The following BEGAIN variants were observed in gnomAD, a reference collection of about 807,000 sequenced individuals.
BEGAIN encodes brain enriched guanylate kinase associated, also known as brain-enriched guanylate kinase-associated protein.
In BEGAIN, 19 loss-of-function variants were observed where a neutral mutation model predicts 35.8. The ratio of observed to expected loss-of-function variants is 0.53; its 90% CI spans 0.37 to 0.78. The LOEUF is 0.78. Among genes scored for constraint, BEGAIN ranks in the 30% least tolerant of loss-of-function variants. BEGAIN has a pLI of 0.00. For missense variants in BEGAIN, 795 were observed against 853.6 expected (o/e 0.93, Z 0.85); for synonymous variants, 462 against 388.6 (o/e 1.19, Z -2.22).
rs755892612 is a variant in BEGAIN, at chr14:100,538,468, G to A, written c.1340C>T (p.Ala447Val). The A allele has an allele frequency of 1.3e-6, 2 of 1,579,430 alleles. No homozygotes were observed. Among genetic ancestry groups the A allele is most frequent in the Non-Finnish European group, 8.6e-7 (1 of 1,165,780 alleles). ...WRPLSVEDIGAYSYPVSAAGR... is the reference protein window; with the variant it reads ...WRPLSVEDIGVYSYPVSAAGR... ...GGCAGCGCTCACGGGGTAGGAGTAG[G>A]CGCCGATGTCCTCCACGCTCAGGGG... Residue 447 changes from alanine (A) to valine (V), a missense_variant, in exon 7 of 7, where the codon GCC (alanine) becomes GTC (valine). Physicochemically the swap from Ala to Val is moderately conservative, Grantham distance 64 (BLOSUM62 0). Transcript: ENST00000554140.
At position 100,537,835 on chromosome 14, in the gene BEGAIN, G is replaced by A; in HGVS notation, c.*134C>T. The A allele has an allele frequency of 7.5e-7, 1 of 1,324,812 alleles. No individual in the cohort carries two copies. The highest frequency in any genetic ancestry group is 1.0e-6 in the Non-Finnish European group (1 of 1,003,016). The allele number at this position is 1,324,812 out of a possible 1,614,324, so 82.1% of individuals were successfully genotyped here. A position where few individuals can be genotyped will look rare whatever the true frequency, so the allele number is the denominator to read the frequency against. On this transcript the variant is annotated 3_prime_UTR_variant, in exon 7 of 7. Transcript: ENST00000554140. ...CCTACAGGGCTGGGGAGGAGAGGAG[G>A]TGCGGGGAGGAACAGACTCCTCGTT... is the stretch of plus-strand genomic sequence containing the variant.
At position 100,568,063 on chromosome 14, in the gene BEGAIN, G is replaced by T; in HGVS notation, c.43-124C>A. Reference sequence around the variant, plus strand: ...GCGGGGCCCCGTCCGTGGGAAGCCCGGCGCCGCGCGTCCCCAGCTTCCAGT... The same window carrying T: ...GCGGGGCCCCGTCCGTGGGAAGCCCTGCGCCGCGCGTCCCCAGCTTCCAGT... On this transcript the variant is annotated intron_variant, in intron 1 of 6. Transcript: ENST00000554140. This position sits in a 1 kb window ranked among gnomAD's most constrained non-coding sequence, Gnocchi z 7.5. 9.1e-7 allele frequency: 1 copy of T among 1,097,952 alleles called. No homozygotes were observed. 68.0% of individuals were successfully genotyped at this position (1,097,952 alleles called of 1,614,324 possible). A position where few individuals can be genotyped will look rare whatever the true frequency, so the allele number is the denominator to read the frequency against.
intron 5 of BEGAIN, among the ~76,000 whole-genome samples, chr14:100,542,319 G>T (rs1009435754): frequency 2.6e-5 from 4 of 152,216 alleles, no homozygotes; most frequent in South Asian, 2.1e-4. Context: ...TCAAGTGGTT[G>T]TTGGGCCACC....
Position 100,538,036 on chromosome 14 carries a change from C to T in BEGAIN, c.1772G>A (p.Gly591Asp). 1 of 1,608,482 alleles carries T rather than the reference C, an allele frequency of 6.2e-7. No individual in the cohort carries two copies. Among genetic ancestry groups the T allele is most frequent in the Non-Finnish European group, 8.5e-7 (1 of 1,178,438 alleles). Residue 591 changes from glycine to aspartate, a missense_variant, in exon 7 of 7, where the codon GGT (glycine) becomes GAT (aspartate). Transcript: ENST00000554140. ...LSPQQAFPRTGGSGLSRKDSL... is the reference protein window; with the variant it reads ...LSPQQAFPRTDGSGLSRKDSL... ...GTCCTTGCGGCTCAGCCCCGAGCCACCAGTCCGCGGAAAGGCCTGCTGGGG... is the reference window on the plus strand; with the variant it reads ...GTCCTTGCGGCTCAGCCCCGAGCCATCAGTCCGCGGAAAGGCCTGCTGGGG...
chr14:100,565,196 G>T (rs982481269), intron 2 of BEGAIN, among the ~76,000 whole-genome samples: 21 of 152,236 alleles, frequency 1.4e-4, no homozygotes, highest in Non-Finnish European at 7.3e-5. Flanking sequence ...GGAGGGAGGG[G>T]CAAGAGCGTC....
chr14:100,565,774 A>G (rs1162449559), intron 2 of BEGAIN, among the ~76,000 whole-genome samples: 1 of 152,184 alleles, frequency 6.6e-6, no homozygotes, highest in Non-Finnish European at 1.5e-5. Flanking sequence ...CTTCCACCAC[A>G]GGGGCTCACG....
At chr14:100,575,925 C>T (rs1002025939) in intron 1 of BEGAIN, among the ~76,000 whole-genome samples, 1 of 152,164 alleles carries the variant, frequency 6.6e-6, no homozygotes, top group Non-Finnish European at 1.5e-5. Context: ...CAGGGCCCAG[C>T]AGCCCCCAGA....
intron 1 of BEGAIN, among the ~76,000 whole-genome samples, chr14:100,578,423 A>G (rs2035249141): frequency 1.3e-5 from 2 of 152,252 alleles, no homozygotes; most frequent in Non-Finnish European, 1.5e-5. Context: ...AACTGCAGCA[A>G]ACCAGCAAAT....
At chr14:100,583,714 G>T (rs2139769710) in intron 1 of BEGAIN, among the ~76,000 whole-genome samples, 2 of 28,458 alleles carry the variant, frequency 7.0e-5, no homozygotes, top group Admixed American at 2.6e-4. Context: ...TTTTTTGATG[G>T]AGTCTCACTC....
chr14:100,568,785 G>A lies in BEGAIN; in HGVS notation c.43-846C>T. ...TCCTGCGTGGAGCTGGGGGCGCCGG[G>A]CGGGCTCTCTATCACCCGGGAGAGG... On this transcript the variant is annotated intron_variant, in intron 1 of 6. Transcript: ENST00000554140. The surrounding 1 kb of genome is among the most constrained non-coding windows in gnomAD (Gnocchi z 7.5). 4 of 858,188 alleles carry A rather than the reference G, an allele frequency of 4.7e-6. No homozygotes were observed. Among genetic ancestry groups the A allele is most frequent in the Non-Finnish European group, 5.6e-6 (4 of 713,034 alleles). 53.2% of individuals were successfully genotyped at this position (858,188 alleles called of 1,614,324 possible). A position where few individuals can be genotyped will look rare whatever the true frequency, so the allele number is the denominator to read the frequency against.
chr14:100,560,630 C>G (rs192075988), intron 2 of BEGAIN, among the ~76,000 whole-genome samples: 1 of 152,186 alleles, frequency 6.6e-6, no homozygotes, highest in Non-Finnish European at 1.5e-5. Context: ...GCTGCTTCCC[C>G]GGTCCGGCCA....
chr14:100,555,538 G>A (rs573287409), intron 2 of BEGAIN, among the ~76,000 whole-genome samples: 1 of 152,366 alleles, frequency 6.6e-6, no homozygotes, highest in East Asian at 1.9e-4. Flanking sequence ...CGAAAGGGAG[G>A]TGTGTACCCC....
At chr14:100,582,247 C>T (rs1035297362) in intron 1 of BEGAIN, among the ~76,000 whole-genome samples, 3 of 152,308 alleles carry the variant, frequency 2.0e-5, no homozygotes, top group East Asian at 3.9e-4. Flanking sequence ...CCGGTTTAAG[C>T]GATTCTCCTG....
intron 2 of BEGAIN, among the ~76,000 whole-genome samples, chr14:100,559,074 C>G (rs2034013700): frequency 6.6e-6 from 1 of 152,182 alleles, no homozygotes; most frequent in African/African-American, 2.4e-5. Flanking sequence ...TCCTGGGGGC[C>G]CCAGAGATGC....
intron 1 of BEGAIN, among the ~76,000 whole-genome samples, chr14:100,574,518 GT>G (rs34762708): frequency 0.3 from 40,808 of 137,064 alleles, 6,387 homozygotes; most frequent in African/African-American, 0.45. Context: ...CTGCACAAAG[GT>G]TTTTTTTTTT....
In BEGAIN at chr14:100,537,933, G is replaced by A. The variant is rs755140531; in HGVS notation, c.*36C>T. ...GCCCTTCTGGGGCACGTGGGCTGGCGGGGAGCGAACCACGGCCAGGCCTGC... is the reference window on the plus strand; with the variant it reads ...GCCCTTCTGGGGCACGTGGGCTGGCAGGGAGCGAACCACGGCCAGGCCTGC... On this transcript the variant is annotated 3_prime_UTR_variant, in exon 7 of 7. Coordinates refer to ENST00000554140, the MANE Select transcript of BEGAIN (RefSeq NM_001385089.1). 62 of 1,572,596 alleles carry A rather than the reference G, an allele frequency of 3.9e-5. No individual in the cohort carries two copies. In the East Asian group the frequency reaches 1.3e-3, roughly 34 times the overall value.
At chr14:100,569,774 AG>A (rs1367140476) in intron 1 of BEGAIN, 1 of 154,606 alleles carries the variant, frequency 6.5e-6, no homozygotes, top group Non-Finnish European at 1.5e-5. Flanking sequence ...TCCAGCAGAG[AG>A]GGGACAGCAG....
chr14:100,573,016 C>T lies in BEGAIN; in HGVS notation c.43-5077G>A, dbSNP rs761113377. 2.0e-5 allele frequency among the ~76,000 whole-genome samples: 3 copies of T among 151,822 alleles called. No individual in the cohort carries two copies. Among genetic ancestry groups the T allele is most frequent in the Non-Finnish European group, 2.9e-5 (2 of 67,982 alleles). On this transcript the variant is annotated intron_variant, in intron 1 of 6. Coordinates refer to ENST00000554140, the MANE Select transcript of BEGAIN (RefSeq NM_001385089.1). The surrounding 1 kb of genome is among the most constrained non-coding windows in gnomAD (Gnocchi z 4.2). ...CCAAGAGATGAATCAGTACACCACC[C>T]CTCCCACCCTGTATGTCCGACGGGG...
At chr14:100,541,077 G>A (rs899867974) in intron 5 of BEGAIN, among the ~76,000 whole-genome samples, 2 of 152,264 alleles carry the variant, frequency 1.3e-5, no homozygotes, top group African/African-American at 2.4e-5. Context: ...CCCAGAGTGT[G>A]GTTTGGAAAC....
Sources: gnomAD v4.1 joint callset for allele counts (sites outside exome capture counted in the v4.1 genomes callset) on GRCh38, gnomAD v4.1.1 for gene constraint, Gnocchi (gnomAD v3.1) non-coding constraint, MANE v1.5 for transcripts, NCBI Gene and HGNC (gene_info 2026-07-23, HGNC 2026-07-21) for gene names.